The following BRAP variants were observed in gnomAD, a reference collection of about 807,000 sequenced individuals.
BRAP encodes BRCA1-associated protein.
In BRAP, 42 loss-of-function variants were observed where a neutral mutation model predicts 73.4. The observed-to-expected ratio is 0.57, with a 90% CI of 0.45 to 0.74. BRAP has a LOEUF of 0.74. BRAP is among the 30% of genes least tolerant of loss of function. BRAP has a pLI of 0.00. For missense variants in BRAP, 593 were observed against 751.4 expected (o/e 0.79, Z 2.46); for synonymous variants, 255 against 267.4 (o/e 0.95, Z 0.45).
At chr12:111,673,686 G>A (rs1298395715) in intron 4 of BRAP, among the ~76,000 whole-genome samples, 9 of 151,986 alleles carry the variant, frequency 5.9e-5, no homozygotes, top group Non-Finnish European at 2.9e-5. Context: ...GTCTTAAACC[G>A]CCACCTAGTG....
At chr12:111,683,577 G>C (rs1164817897) in intron 1 of BRAP, among the ~76,000 whole-genome samples, 1 of 152,136 alleles carries the variant, frequency 6.6e-6, no homozygotes, top group African/African-American at 2.4e-5. Flanking sequence ...GTCTCACTCT[G>C]TCACCCAGGC....
intron 10 of BRAP, among the ~76,000 whole-genome samples, chr12:111,652,883 G>C (rs1886381237): frequency 6.6e-6 from 1 of 152,060 alleles, no homozygotes; most frequent in Admixed American, 6.6e-5. Context: ...CTAATTTTTT[G>C]TATTTTTAGT....
chr12:111,683,991 A>C (rs753061315), intron 1 of BRAP, among the ~76,000 whole-genome samples: 1 of 152,218 alleles, frequency 6.6e-6, no homozygotes, highest in Non-Finnish European at 1.5e-5. Context: ...TCCATTAAAA[A>C]AACAAAATTT....
intron 3 of BRAP, among the ~76,000 whole-genome samples, chr12:111,680,014 G>C (rs1887539574): frequency 6.7e-6 from 1 of 148,298 alleles, no homozygotes. Flanking sequence ...TCAGAGTCTT[G>C]CTGCATGGTC....
In BRAP at chr12:111,642,823, G is replaced by A. The variant is rs1468718070; in HGVS notation, c.*1376C>T. ...CACGTAAAGTTTTTTGGGAAATGCT[G>A]CAGCACATCCCACAAAAACAGATGG... On this transcript the variant is annotated 3_prime_UTR_variant, in exon 12 of 12. Coordinates refer to ENST00000419234, the MANE Select transcript of BRAP (RefSeq NM_006768.5). 8 of 152,114 alleles carry A rather than the reference G, an allele frequency of 5.3e-5. No individual in the cohort carries two copies. Among genetic ancestry groups the A allele is most frequent in the Non-Finnish European group, 1.2e-4 (8 of 68,020 alleles). The allele number at this position is 152,114 out of a possible 1,614,324, so 9.4% of individuals were successfully genotyped here. A position where few individuals can be genotyped will look rare whatever the true frequency, so the allele number is the denominator to read the frequency against.
intron 9 of BRAP, 88 bp downstream of exon 9, chr12:111,658,648 G>T: frequency 1.9e-6 from 2 of 1,067,956 alleles, no homozygotes; most frequent in Non-Finnish European, 2.7e-6. Flanking sequence ...AAAAAAAAAT[G>T]TACATCCAGG....
intron 5 of BRAP, 119 bp downstream of exon 5, chr12:111,672,542 C>G (rs1887217175): frequency 2.5e-6 from 2 of 808,906 alleles, no homozygotes; most frequent in East Asian, 2.7e-5. Context: ...CTGATAACCA[C>G]CAGTCTACTT....
chr12:111,685,666 G>A (rs1239182249), intron 1 of BRAP, 45 bp downstream of exon 1: 7 of 1,574,138 alleles, frequency 4.4e-6, no homozygotes, highest in Non-Finnish European at 6.0e-6. Flanking sequence ...AGCCCTCCGG[G>A]CCCAGACCCG....
intron 5 of BRAP, among the ~76,000 whole-genome samples, chr12:111,667,761 C>G (rs144328201): frequency 1.1e-3 from 149 of 133,236 alleles, no homozygotes; most frequent in African/African-American, 4.3e-3. Context: ...TAACACCCTA[C>G]AATATACAAA....
Position 111,665,654 on chromosome 12 carries a change from C to T in BRAP, c.881G>A (p.Arg294His), listed in dbSNP as rs377033505. The T allele has an allele frequency of 5.0e-6, 8 of 1,614,140 alleles. No individual in the cohort carries two copies. Among genetic ancestry groups the T allele is most frequent in the South Asian group, 2.2e-5 (2 of 91,076 alleles). ...CTGCACTCACGTGGTATCGTCCCAG[C>T]GCTGTAGACACTGGCTGTGGAAGCT... Reference protein sequence around the residue: ...NHSFHSQCLQRWDDTTCPVCR... With the variant: ...NHSFHSQCLQHWDDTTCPVCR... The change falls in exon 6 of 12, where the codon CGC becomes CAC. Residue 294 changes from arginine (R) to histidine (H), a missense_variant. Around this residue, in one of 4 missense-constraint regions of BRAP, gnomAD observed 67 missense variants for 158.0 expected, o/e 0.42. Transcript: ENST00000419234. The surrounding 1 kb of genome is among the most constrained non-coding windows in gnomAD (Gnocchi z 4.3).
intron 10 of BRAP, among the ~76,000 whole-genome samples, chr12:111,651,225 T>TTAATAATAATAATAATAATAATAA (rs112724065): frequency 2.7e-5 from 4 of 147,016 alleles, no homozygotes; most frequent in African/African-American, 1.0e-4. Flanking sequence ...AGCACTAGCT[T>TTAATAATAATAATAATAATAATAA]TAATAATAAT....
At position 111,654,607 on chromosome 12, in the gene BRAP, C is replaced by T. The variant is rs1348362759; in HGVS notation, c.1311+959G>A. ...CTGGGATTACAGGTGTGAGCCACTA[C>T]ACCTGGCCTAAAGCTGATGTTAAGC... is the stretch of plus-strand genomic sequence containing the variant. On this transcript the variant is annotated intron_variant, in intron 10 of 11. Transcript: ENST00000419234. Among the ~76,000 whole-genome samples the T allele has an allele frequency of 2.0e-5, 3 of 152,328 alleles. No individual in the cohort carries two copies. In the East Asian group the frequency reaches 5.8e-4, roughly 29 times the overall value.
At chr12:111,666,987 C>T (rs922607966) in intron 5 of BRAP, among the ~76,000 whole-genome samples, 2 of 152,146 alleles carry the variant, frequency 1.3e-5, no homozygotes, top group African/African-American at 4.8e-5. Context: ...AGTTGTTTCT[C>T]TCTCCCAGCT....
intron 4 of BRAP, among the ~76,000 whole-genome samples, chr12:111,675,191 G>A (rs756952923): frequency 4.6e-5 from 7 of 151,938 alleles, no homozygotes; most frequent in African/African-American, 7.2e-5. Context: ...AGCCCAGGAG[G>A]TGAAAGCTGC....
chr12:111,647,104 T>G (rs1013405466), intron 11 of BRAP, among the ~76,000 whole-genome samples: 1 of 152,056 alleles, frequency 6.6e-6, no homozygotes, highest in Admixed American at 6.6e-5. Context: ...ACCCCGTCTC[T>G]ACAAAAAAAT....
At chr12:111,681,936 G>C (rs1450294222) in intron 2 of BRAP, 101 bp from the exon 3 acceptor site, 3 of 1,130,208 alleles carry the variant, frequency 2.7e-6, no homozygotes, top group Non-Finnish European at 3.7e-6. Context: ...AACTTTGATA[G>C]AGTAATTACA....
chr12:111,655,965 CCT>C (rs1253073547), intron 9 of BRAP, among the ~76,000 whole-genome samples: 1 of 152,170 alleles, frequency 6.6e-6, no homozygotes, highest in African/African-American at 2.4e-5. Context: ...AATAAACTTA[CCT>C]GTCTCCCTGA....
chr12:111,644,988 C>T (rs143929470), intron 11 of BRAP, among the ~76,000 whole-genome samples: 2,365 of 152,144 alleles, frequency 0.016, 69 homozygotes, highest in African/African-American at 0.054. Flanking sequence ...AACTCCCAAC[C>T]TCAGGTGATC....
At chr12:111,679,958 A>G (rs1176113059) in intron 3 of BRAP, among the ~76,000 whole-genome samples, 3 of 151,566 alleles carry the variant, frequency 2.0e-5, no homozygotes, top group Admixed American at 6.6e-5. Flanking sequence ...TAAAAGGCCT[A>G]AAAAAACAGC....
Sources: allele counts gnomAD v4.1 joint callset (sites outside exome capture counted in the v4.1 genomes callset), GRCh38; gene constraint gnomAD v4.1.1; regional missense constraint gnomAD v4.1.1; non-coding constraint Gnocchi (gnomAD v3.1); transcripts MANE v1.5; gene names NCBI Gene and HGNC (gene_info 2026-07-23, HGNC 2026-07-21).